The following DDC variants were observed in gnomAD, a reference collection of about 807,000 sequenced individuals.
DDC encodes aromatic-L-amino-acid decarboxylase.
DDC carries 43 observed loss-of-function variants against 60.0 expected under a neutral mutation model. The observed-to-expected ratio is 0.72, with a 90% CI of 0.56 to 0.92. The LOEUF (loss-of-function observed/expected upper bound fraction) is 0.92, where lower values mean the gene tolerates loss of function less well. Among genes scored for constraint, DDC ranks in the 40% least tolerant of loss-of-function variants. The probability of loss-of-function intolerance (pLI) is 0.00; values close to 1 mark genes in which losing one functional copy is unlikely to be tolerated. For missense variants in DDC, 573 were observed against 620.2 expected (o/e 0.92, Z 0.81); for synonymous variants, 232 against 234.6 (o/e 0.99, Z 0.10).
chr7:50,499,496 C>T (rs999384756), intron 7 of DDC, among the ~76,000 whole-genome samples: 102 of 152,188 alleles, frequency 6.7e-4, no homozygotes, highest in African/African-American at 2.3e-3. Context: ...CTGACCCTGG[C>T]GGCTAAGTGT....
At chr7:50,499,010 A>C (rs904518888) in intron 8 of DDC, 138 bp downstream of exon 8, 7 of 723,498 alleles carry the variant, frequency 9.7e-6, no homozygotes, top group African/African-American at 1.7e-5. Flanking sequence ...TATTCTGAGG[A>C]AGTCGGAATT....
At chr7:50,473,645 C>T (rs1024373804) in intron 11 of DDC, among the ~76,000 whole-genome samples, 2 of 152,186 alleles carry the variant, frequency 1.3e-5, no homozygotes, top group Non-Finnish European at 2.9e-5. Flanking sequence ...TGTGGTGCTT[C>T]CCATCTGCCT....
At chr7:50,549,777 T>G (rs2044927794) in intron 1 of DDC, among the ~76,000 whole-genome samples, 1 of 152,136 alleles carries the variant, frequency 6.6e-6, no homozygotes, top group African/African-American at 2.4e-5. Flanking sequence ...AAAATTTCAG[T>G]GGAAGAAGTC....
intron 11 of DDC, among the ~76,000 whole-genome samples, chr7:50,472,258 C>A (rs564192786): frequency 6.6e-6 from 1 of 152,274 alleles, no homozygotes; most frequent in African/African-American, 2.4e-5. Flanking sequence ...CTTGGCATGG[C>A]GCGGCCAGCC....
chr7:50,525,063 G>A (rs2044001439), intron 6 of DDC, among the ~76,000 whole-genome samples: 1 of 152,210 alleles, frequency 6.6e-6, no homozygotes, highest in Admixed American at 6.5e-5. Context: ...CCATTATGCT[G>A]AGTGAGAAAA....
intron 9 of DDC, among the ~76,000 whole-genome samples, chr7:50,491,102 C>A (rs1280951002): frequency 1.3e-5 from 2 of 151,910 alleles, no homozygotes; most frequent in African/African-American, 4.8e-5. Context: ...CTTTCTTTTC[C>A]TTTTTAATCG....
chr7:50,476,625 C>G lies in DDC; in HGVS notation c.1040G>C (p.Arg347Pro). Residue 347 changes from arginine to proline, a missense_variant and splice_region_variant, in exon 11 of 15, where the codon CGG (arginine) becomes CCG (proline). Physicochemically the swap from Arg to Pro is moderately radical, Grantham distance 103 (BLOSUM62 -2). Coordinates refer to ENST00000444124, the MANE Select transcript of DDC (RefSeq NM_001082971.2). The stretch of plus-strand genomic sequence containing the variant: ...ATTACAGTGGAATCTCCCACTTACC[C>G]GGTAGTCAGTGATAAGCCCTGGAGA... ...HQDSGLITDY[R>P]HWQIPLGRRF... 6.2e-7 allele frequency: 1 copy of G among 1,612,434 alleles called. No homozygotes were observed. Among genetic ancestry groups the G allele is most frequent in the Non-Finnish European group, 8.5e-7 (1 of 1,178,850 alleles).
intron 11 of DDC, 152 bp downstream of exon 11, chr7:50,476,472 G>A: frequency 1.4e-6 from 1 of 739,914 alleles, no homozygotes; most frequent in Non-Finnish European, 2.4e-6. Context: ...CCACCTGGCA[G>A]GACCCCCCTA....
At chr7:50,471,812 G>A (rs879691570) in intron 11 of DDC, among the ~76,000 whole-genome samples, 19 of 152,122 alleles carry the variant, frequency 1.2e-4, no homozygotes, top group African/African-American at 3.9e-4. Flanking sequence ...AAATCTAAAA[G>A]AAGAACCCCT....
chr7:50,521,079 G>C (rs1160009688), intron 6 of DDC, among the ~76,000 whole-genome samples: 1 of 151,744 alleles, frequency 6.6e-6, no homozygotes, highest in Non-Finnish European at 1.5e-5. Flanking sequence ...TACAGGTTAA[G>C]AAAAAAGACA....
chr7:50,481,255 G>A (rs1394625540), intron 9 of DDC, among the ~76,000 whole-genome samples: 1 of 152,156 alleles, frequency 6.6e-6, no homozygotes, highest in African/African-American at 2.4e-5. Flanking sequence ...GGAATAATAA[G>A]CTGTCTAGTG....
chr7:50,501,284 GC>G (rs759883667), intron 7 of DDC, among the ~76,000 whole-genome samples: 1 of 152,180 alleles, frequency 6.6e-6, no homozygotes, highest in Non-Finnish European at 1.5e-5. Flanking sequence ...CCTGCCCTGT[GC>G]TATTCCCTTC....
chr7:50,545,566 G>A (rs1458816977), intron 1 of DDC, among the ~76,000 whole-genome samples: 4 of 152,122 alleles, frequency 2.6e-5, no homozygotes, highest in East Asian at 1.9e-4. Flanking sequence ...TCTGCCTCCC[G>A]GGTTCAAGTG....
intron 1 of DDC, among the ~76,000 whole-genome samples, chr7:50,552,184 T>A (rs2045020333): frequency 6.6e-6 from 1 of 152,248 alleles, no homozygotes. Flanking sequence ...GCTCTTAGCA[T>A]GAAGCCACAG....
chr7:50,484,247 G>A (rs1214743608), intron 9 of DDC, among the ~76,000 whole-genome samples: 2 of 152,108 alleles, frequency 1.3e-5, no homozygotes, highest in African/African-American at 2.4e-5. Context: ...TGGCTTTGTC[G>A]ATCCTCTCTG....
At chr7:50,461,139 AT>A (rs1273017357) in intron 14 of DDC, among the ~76,000 whole-genome samples, 2 of 152,172 alleles carry the variant, frequency 1.3e-5, no homozygotes, top group African/African-American at 4.8e-5. Context: ...CGAACGTATA[AT>A]TTCTCCAATG....
intron 6 of DDC, among the ~76,000 whole-genome samples, chr7:50,510,934 T>G (rs191840130): frequency 1.6e-5 from 2 of 128,842 alleles, no homozygotes; most frequent in Admixed American, 9.6e-5. Flanking sequence ...TGAGCCGAGA[T>G]AGCGCCACTG....
At chr7:50,505,216 T>G (rs1381476224) in intron 6 of DDC, among the ~76,000 whole-genome samples, 1 of 152,220 alleles carries the variant, frequency 6.6e-6, no homozygotes, top group Non-Finnish European at 1.5e-5. Context: ...CTCATTGTTT[T>G]GTGTTGGGCT....
intron 2 of DDC, chr7:50,542,116 A>C (rs926413073): frequency 6.6e-6 from 1 of 152,202 alleles, no homozygotes; most frequent in African/African-American, 2.4e-5. Context: ...GGGCTGAAAA[A>C]ATGCTTAAAT....
Sources: gnomAD v4.1 joint callset for allele counts (sites outside exome capture counted in the v4.1 genomes callset) on GRCh38, gnomAD v4.1.1 for gene constraint, MANE v1.5 for transcripts, NCBI Gene and HGNC (gene_info 2026-07-23, HGNC 2026-07-21) for gene names.